The following RIMS2 variants were observed in gnomAD, a reference collection of about 807,000 sequenced individuals.
RIMS2 encodes regulating synaptic membrane exocytosis protein 2.
In RIMS2, 59 loss-of-function variants were observed where a neutral mutation model predicts 174.4. That is an observed-to-expected ratio of 0.34 (90% CI 0.27 to 0.42). RIMS2 has a LOEUF of 0.42. Among genes scored for constraint, RIMS2 ranks in the 10% least tolerant of loss-of-function variants. The probability of loss-of-function intolerance (pLI) is 1.00; values close to 1 mark genes in which losing one functional copy is unlikely to be tolerated. For missense variants in RIMS2, 1,620 were observed against 1,666.3 expected (o/e 0.97, Z 0.48); for synonymous variants, 606 against 572.5 (o/e 1.06, Z -0.84).
chr8:103,782,345 G>C (rs1462945897), intron 3 of RIMS2, among the ~76,000 whole-genome samples: 1 of 151,560 alleles, frequency 6.6e-6, no homozygotes, highest in Non-Finnish European at 1.5e-5. Context: ...TAGTGTATGT[G>C]TCATATTTGT....
Position 104,119,205 on chromosome 8 carries a change from C to A in RIMS2, c.3334+104590C>A, listed in dbSNP as rs1034925245. On this transcript the variant is annotated intron_variant, in intron 19 of 23. Transcript: ENST00000504942. ...ACTTAAAAACAAAAAAAAAAAAAAT[C>A]AAAAATTAGCTGGGCCTGGCGGCAT... is the stretch of plus-strand genomic sequence containing the variant. Among the ~76,000 whole-genome samples, 16 of 145,708 alleles carry A rather than the reference C, an allele frequency of 1.1e-4. No homozygotes were observed. In the East Asian group the frequency reaches 2.0e-3, roughly 19 times the overall value.
chr8:103,597,105 TA>T (rs1396797697), intron 1 of RIMS2, among the ~76,000 whole-genome samples: 7 of 152,264 alleles, frequency 4.6e-5, no homozygotes. Context: ...ACAAACAGAT[TA>T]AGAACATATG....
chr8:103,706,552 T>C (rs1344636323), intron 2 of RIMS2, among the ~76,000 whole-genome samples: 2 of 152,178 alleles, frequency 1.3e-5, no homozygotes, highest in African/African-American at 2.4e-5. Flanking sequence ...TTTGAAGGAT[T>C]GCTGTGTTGA....
intron 19 of RIMS2, among the ~76,000 whole-genome samples, chr8:104,131,429 G>A (rs2098472824): frequency 6.6e-6 from 1 of 151,974 alleles, no homozygotes; most frequent in Non-Finnish European, 1.5e-5. Flanking sequence ...GGTAGTCTGA[G>A]GAGAAAATAT....
At chr8:104,220,785 T>C (rs1282488913) in intron 19 of RIMS2, among the ~76,000 whole-genome samples, 1 of 151,984 alleles carries the variant, frequency 6.6e-6, no homozygotes, top group Non-Finnish European at 1.5e-5. Flanking sequence ...CTGTTAACTT[T>C]TTCTGGAGAT....
rs541427499 is a variant in RIMS2 at position 103,855,906 on chromosome 8, G to A, written c.699-29392G>A. On this transcript the variant is annotated intron_variant, in intron 3 of 23. Coordinates refer to ENST00000504942, the Ensembl canonical transcript of RIMS2. ...AGTGTCAAGTTTAAATCCAGAATTT[G>A]CTTGTTAGTTTTTTGCCTTGATGAT... Among the ~76,000 whole-genome samples, 3 of 152,118 alleles carry A rather than the reference G, an allele frequency of 2.0e-5. No homozygotes were observed. In the South Asian group the frequency reaches 6.2e-4, roughly 32 times the overall value.
At chr8:103,737,973 T>G (rs1451881197) in intron 2 of RIMS2, among the ~76,000 whole-genome samples, 1 of 152,222 alleles carries the variant, frequency 6.6e-6, no homozygotes, top group Non-Finnish European at 1.5e-5. Flanking sequence ...TTTACTTGTT[T>G]ATTGTGTATC....
intron 3 of RIMS2, among the ~76,000 whole-genome samples, chr8:103,846,828 G>A (rs2098970212): frequency 6.6e-6 from 1 of 152,008 alleles, no homozygotes; most frequent in Non-Finnish European, 1.5e-5. Flanking sequence ...ACTGATTTGG[G>A]TGACATACCT....
rs1450062277 is a variant in RIMS2 at position 103,989,430 on chromosome 8, G to T, written c.3044+9G>T. The T allele has an allele frequency of 1.0e-5, 14 of 1,370,438 alleles. No individual in the cohort carries two copies. In the Middle Eastern group the frequency reaches 5.4e-4, roughly 53 times the overall value. 84.9% of individuals were successfully genotyped at this position (1,370,438 alleles called of 1,614,324 possible). ...TCTCCAGATAGAGACAGGTAAATAT[G>T]ATTAAATACTATTAGACCTTATTAT... On this transcript the variant is annotated intron_variant, in intron 17 of 23. Coordinates refer to ENST00000504942, the Ensembl canonical transcript of RIMS2.
intron 1 of RIMS2, among the ~76,000 whole-genome samples, chr8:103,647,770 T>C (rs2892596): frequency 0.38 from 57,110 of 151,622 alleles, 11,114 homozygotes; most frequent in African/African-American, 0.4. Flanking sequence ...GTGGTGATAT[T>C]CTTCTTATTT....
At chr8:104,013,395 GA>G in intron 17 of RIMS2, 46 bp from the exon 20 acceptor site, 1 of 1,499,308 alleles carries the variant, frequency 6.7e-7, no homozygotes, top group Non-Finnish European at 9.2e-7. Flanking sequence ...CCAAATAGCA[GA>G]AGGGCACTAA....
intron 19 of RIMS2, among the ~76,000 whole-genome samples, chr8:104,055,287 C>A (rs527499546): frequency 6.6e-6 from 1 of 151,900 alleles, no homozygotes; most frequent in Non-Finnish European, 1.5e-5. Context: ...ATTTAGATCC[C>A]AGATATGGAA....
At chr8:104,244,745 C>A (rs1042932674) in intron 19 of RIMS2, among the ~76,000 whole-genome samples, 171 bp from the exon 26 acceptor site, 1 of 152,194 alleles carries the variant, frequency 6.6e-6, no homozygotes, top group Non-Finnish European at 1.5e-5. Context: ...TCATCCCACT[C>A]AACATGACAT....
intron 3 of RIMS2, among the ~76,000 whole-genome samples, chr8:103,794,074 A>G (rs560823573): frequency 6.6e-6 from 1 of 152,326 alleles, no homozygotes; most frequent in East Asian, 1.9e-4. Context: ...CAGAATTGAA[A>G]AAAACTATGT....
rs551523189 is a variant in RIMS2, at chr8:103,875,245, A to AT, written c.699-10045dup. ...TAGTGTATATTGTACCCAATAGGTG[A>AT]TTTTTTTTATCTCTCACTCGCATCT... On this transcript the variant is annotated intron_variant, in intron 3 of 23. Coordinates refer to ENST00000504942, the Ensembl canonical transcript of RIMS2. Among the ~76,000 whole-genome samples, 73 of 151,656 alleles carry AT rather than the reference A, an allele frequency of 4.8e-4. 1 individual carries two copies. In the South Asian group the frequency reaches 0.012, roughly 25 times the overall value.
At chr8:103,733,944 T>G (rs1339861115) in intron 2 of RIMS2, among the ~76,000 whole-genome samples, 1 of 151,740 alleles carries the variant, frequency 6.6e-6, no homozygotes, top group Non-Finnish European at 1.5e-5. Flanking sequence ...TTCAATTTGG[T>G]GTTTCTATGG....
intron 4 of RIMS2, among the ~76,000 whole-genome samples, chr8:103,899,723 A>G (rs2099316401): frequency 6.6e-6 from 1 of 151,632 alleles, no homozygotes; most frequent in Non-Finnish European, 1.5e-5. Flanking sequence ...CTTTAGTTTA[A>G]TTAGATCCTA....
At chr8:103,554,813 A>G (rs1044476087) in intron 1 of RIMS2, among the ~76,000 whole-genome samples, 13 of 152,220 alleles carry the variant, frequency 8.5e-5, no homozygotes, top group African/African-American at 2.7e-4. Context: ...GACTGAATAA[A>G]GGAAATGTGA....
At chr8:103,758,327 G>A (rs1022570954) in intron 2 of RIMS2, among the ~76,000 whole-genome samples, 10 of 152,030 alleles carry the variant, frequency 6.6e-5, no homozygotes, top group African/African-American at 2.2e-4. Flanking sequence ...GAGTGATATT[G>A]CAAATTAATA....
Sources: allele counts gnomAD v4.1 joint callset (sites outside exome capture counted in the v4.1 genomes callset), GRCh38; gene constraint gnomAD v4.1.1; transcripts MANE v1.5; gene names NCBI Gene and HGNC (gene_info 2026-07-23, HGNC 2026-07-21).